STAM: variants seen among roughly 807,000 people sequenced by gnomAD.
STAM encodes the protein signal transducing adaptor molecule.
STAM carries 16 observed loss-of-function variants against 63.4 expected under a neutral mutation model. The ratio of observed to expected loss-of-function variants is 0.25; its 90% CI spans 0.17 to 0.38. The LOEUF (loss-of-function observed/expected upper bound fraction) is 0.38, where lower values mean the gene tolerates loss of function less well. Among genes scored for constraint, STAM ranks in the 10% least tolerant of loss-of-function variants. The pLI is 1.00. For synonymous variants in STAM, 238 were observed against 223.9 expected (o/e 1.06, Z -0.56); for missense variants, 636 against 657.1 (o/e 0.97, Z 0.35).
chr10:17,684,188 G>A (rs1835202494), intron 2 of STAM, among the ~76,000 whole-genome samples: 1 of 152,184 alleles, frequency 6.6e-6, no homozygotes, highest in Non-Finnish European at 1.5e-5. Context: ...CTGATACTTG[G>A]AAAGTGCCTC....
chr10:17,653,361 G>GT (rs1833814414), intron 1 of STAM, among the ~76,000 whole-genome samples: 1 of 152,202 alleles, frequency 6.6e-6, no homozygotes, highest in Non-Finnish European at 1.5e-5. Context: ...TTAAATGTTT[G>GT]TTTTGGTAAA....
intron 12 of STAM, among the ~76,000 whole-genome samples, chr10:17,707,977 G>C (rs1836373447): frequency 1.3e-5 from 2 of 151,550 alleles, no homozygotes; most frequent in Admixed American, 6.6e-5. Flanking sequence ...TGCCAGCTCC[G>C]CCTCCTGGGT....
chr10:17,703,150 G>A (rs555051253), intron 9 of STAM, among the ~76,000 whole-genome samples: 36 of 151,886 alleles, frequency 2.4e-4, no homozygotes, highest in African/African-American at 8.7e-4. Context: ...CAAACAAAAC[G>A]GAAACCATCT....
chr10:17,651,005 C>A (rs1476320366), intron 1 of STAM, among the ~76,000 whole-genome samples: 1 of 127,018 alleles, frequency 7.9e-6, no homozygotes, highest in African/African-American at 3.0e-5. Flanking sequence ...GCGGAGCTTG[C>A]GGTGAGCCAA....
At chr10:17,671,052 G>A (rs572803834) in intron 2 of STAM, among the ~76,000 whole-genome samples, 1 of 152,216 alleles carries the variant, frequency 6.6e-6, no homozygotes, top group African/African-American at 2.4e-5. Context: ...AGTATTCAAG[G>A]AGCATTCATA....
At chr10:17,669,883 T>C (rs1834559605) in intron 2 of STAM, among the ~76,000 whole-genome samples, 1 of 129,150 alleles carries the variant, frequency 7.7e-6, no homozygotes, top group Admixed American at 8.6e-5. Context: ...TCTTTTCTTT[T>C]CTTTTTTTTT....
chr10:17,671,145 G>A (rs782352154), intron 2 of STAM, among the ~76,000 whole-genome samples: 9 of 152,128 alleles, frequency 5.9e-5, no homozygotes, highest in Non-Finnish European at 7.4e-5. Flanking sequence ...GTGTCTGCTA[G>A]GTCCTGGTAT....
In STAM at chr10:17,714,763, C is replaced by CAGA. The variant is rs782817755; in HGVS notation, c.1609_1611dup (p.Lys537dup). 1 of 1,614,118 alleles carries CAGA rather than the reference C, an allele frequency of 6.2e-7. No homozygotes were observed. The highest frequency in any genetic ancestry group is 8.5e-7 in the Non-Finnish European group (1 of 1,180,002). ...ACCTCAGCCACAGCAACCATATTCT[C>CAGA]AGAAGGCTCTGCTATAGGACCCGGT... On this transcript the variant is annotated inframe_insertion, in exon 14 of 14. Transcript: ENST00000377524.
intron 13 of STAM, among the ~76,000 whole-genome samples, chr10:17,711,235 A>C (rs1414069384): frequency 6.6e-6 from 1 of 152,202 alleles, no homozygotes; most frequent in Non-Finnish European, 1.5e-5. Context: ...ATCCTAGGAC[A>C]GTCTTATTGT....
intron 5 of STAM, among the ~76,000 whole-genome samples, chr10:17,688,417 C>T (rs4748398): frequency 0.1 from 15,371 of 152,058 alleles, 845 homozygotes; most frequent in Middle Eastern, 0.15. Flanking sequence ...TCTTTATAAA[C>T]GAATTGGTTT....
chr10:17,656,966 C>A (rs558061373), intron 1 of STAM, among the ~76,000 whole-genome samples: 1 of 152,136 alleles, frequency 6.6e-6, no homozygotes, highest in Non-Finnish European at 1.5e-5. Flanking sequence ...TTAGAGTGGG[C>A]GGCCCACATG....
At chr10:17,682,935 G>A (rs1564550161) in intron 2 of STAM, among the ~76,000 whole-genome samples, 1 of 152,102 alleles carries the variant, frequency 6.6e-6, no homozygotes. Context: ...TGCACATTTA[G>A]AATTATGTTT....
chr10:17,651,765 A>C (rs1371170003), intron 1 of STAM, among the ~76,000 whole-genome samples: 1 of 152,230 alleles, frequency 6.6e-6, no homozygotes, highest in Non-Finnish European at 1.5e-5. Flanking sequence ...CAAAGAGGAT[A>C]ATTTCTTTCA....
At chr10:17,690,649 A>C (rs1407541458) in intron 5 of STAM, among the ~76,000 whole-genome samples, 1 of 152,256 alleles carries the variant, frequency 6.6e-6, no homozygotes, top group African/African-American at 2.4e-5. Context: ...TTTTCATCAG[A>C]CTAGATTTTT....
At chr10:17,701,546 G>C (rs1554828444) in intron 9 of STAM, among the ~76,000 whole-genome samples, 1 of 152,208 alleles carries the variant, frequency 6.6e-6, no homozygotes, top group African/African-American at 2.4e-5. Context: ...AGTAGCAACA[G>C]AGATCATATG....
intron 1 of STAM, among the ~76,000 whole-genome samples, chr10:17,647,568 CCA>C (rs1447291358): frequency 6.6e-6 from 1 of 151,964 alleles, no homozygotes; most frequent in Non-Finnish European, 1.5e-5. Flanking sequence ...CAGACTGGGG[CCA>C]CACTGCTTGG....
At chr10:17,662,463 A>G (rs1240848237) in intron 2 of STAM, among the ~76,000 whole-genome samples, 1 of 152,136 alleles carries the variant, frequency 6.6e-6, no homozygotes, top group Non-Finnish European at 1.5e-5. Flanking sequence ...CTCTATCAAA[A>G]CTATTCTTAT....
At chr10:17,675,066 T>A (rs1554824499) in intron 2 of STAM, among the ~76,000 whole-genome samples, 1 of 152,226 alleles carries the variant, frequency 6.6e-6, no homozygotes, top group Admixed American at 6.5e-5. Flanking sequence ...TTTATAAATA[T>A]GAACAGCTGA....
chr10:17,710,291 A>G (rs542519692), intron 13 of STAM, among the ~76,000 whole-genome samples: 1 of 152,226 alleles, frequency 6.6e-6, no homozygotes, highest in South Asian at 2.1e-4. Context: ...ACCTGTTGGT[A>G]GGTGCTTTAA....
Sources: gnomAD v4.1 joint callset for allele counts (sites outside exome capture counted in the v4.1 genomes callset) on GRCh38, gnomAD v4.1.1 for gene constraint, MANE v1.5 for transcripts, NCBI Gene and HGNC (gene_info 2026-07-23, HGNC 2026-07-21) for gene names.